MECOM: variants seen among roughly 807,000 people sequenced by gnomAD.
MECOM encodes the protein histone-lysine N-methyltransferase MECOM.
MECOM carries 13 observed loss-of-function variants against 116.3 expected under a neutral mutation model. That is an observed-to-expected ratio of 0.11 (90% CI 0.07 to 0.18). The LOEUF (loss-of-function observed/expected upper bound fraction) is 0.18. Among genes scored for constraint, MECOM ranks in the 10% least tolerant of loss-of-function variants. The pLI, the probability that MECOM is intolerant of heterozygous loss-of-function variation, is 1.00. For missense variants in MECOM, 1,299 were observed against 1,509.0 expected (o/e 0.86, Z 2.31); for synonymous variants, 528 against 535.2 (o/e 0.99, Z 0.19).
chr3:169,646,282 G>A (rs552307835), intron 1 of MECOM, among the ~76,000 whole-genome samples: 5 of 135,446 alleles, frequency 3.7e-5, no homozygotes, highest in Non-Finnish European at 6.3e-5. Context: ...CACAGGAAGG[G>A]GAACATCACA....
intron 1 of MECOM, among the ~76,000 whole-genome samples, chr3:169,655,657 C>T (rs943002453): frequency 2.0e-5 from 3 of 152,042 alleles, no homozygotes; most frequent in Non-Finnish European, 4.4e-5. Context: ...TTTTAATGTG[C>T]CCAAATTTTA....
chr3:169,171,524 C>T (rs187171334), intron 2 of MECOM, among the ~76,000 whole-genome samples: 49 of 151,964 alleles, frequency 3.2e-4, no homozygotes, highest in Non-Finnish European at 5.7e-4. Flanking sequence ...TATACCATAG[C>T]TATTGTAATC....
chr3:169,383,918 G>A (rs1020008845), intron 1 of MECOM, among the ~76,000 whole-genome samples: 9 of 152,074 alleles, frequency 5.9e-5, no homozygotes, highest in African/African-American at 2.2e-4. Context: ...CTGCACCTCT[G>A]CCCGACAAAC....
chr3:169,351,103 A>T, intron 2 of MECOM, among the ~76,000 whole-genome samples: 1 of 152,018 alleles, frequency 6.6e-6, no homozygotes, highest in Middle Eastern at 3.4e-3. Context: ...TATATTCTTT[A>T]CAATGTTTAT....
rs546557692 is a variant in MECOM at position 169,146,813 on chromosome 3, C to T, written c.376-2981G>A. ...ATAAAATAATCAGCAGCCCCCAACG[C>T]TCCTGCACGAAAATCCTTTCAAACG... On this transcript the variant is annotated intron_variant, in intron 2 of 16. Coordinates refer to ENST00000651503, the MANE Select transcript of MECOM (RefSeq NM_004991.4). The T allele has an allele frequency of 2.0e-5, 22 of 1,098,906 alleles. No homozygotes were observed. In the East Asian group the frequency reaches 1.4e-3, roughly 71 times the overall value. The allele number at this position is 1,098,906 out of a possible 1,614,324, so 68.1% of individuals were successfully genotyped here.
chr3:169,662,903 A>C (rs1291558341), intron 1 of MECOM, among the ~76,000 whole-genome samples: 35 of 99,658 alleles, frequency 3.5e-4, no homozygotes, highest in South Asian at 1.6e-3. Context: ...CCCTCCTCCC[A>C]CACCCGGGAC....
At chr3:169,449,992 A>G (rs1411411737) in intron 1 of MECOM, among the ~76,000 whole-genome samples, 3 of 152,180 alleles carry the variant, frequency 2.0e-5, no homozygotes, top group Non-Finnish European at 4.4e-5. Flanking sequence ...TTATGTCCCA[A>G]TAACATGTCA....
chr3:169,404,820 T>C (rs1736428064), intron 1 of MECOM, among the ~76,000 whole-genome samples: 1 of 152,224 alleles, frequency 6.6e-6, no homozygotes, highest in South Asian at 2.1e-4. Context: ...CCAAGGCCTC[T>C]GATTATTCTA....
intron 2 of MECOM, among the ~76,000 whole-genome samples, chr3:169,362,741 T>A (rs1728508871): frequency 6.6e-6 from 1 of 151,920 alleles, no homozygotes; most frequent in African/African-American, 2.4e-5. Flanking sequence ...TTCGTGTATA[T>A]CACGAATACA....
chr3:169,327,225 T>G (rs570632088), intron 2 of MECOM, among the ~76,000 whole-genome samples: 4 of 152,238 alleles, frequency 2.6e-5, no homozygotes, highest in Non-Finnish European at 5.9e-5. Context: ...GTCATGTATA[T>G]TACCATGAAT....
At position 169,085,035 on chromosome 3, in the gene MECOM, A is replaced by G; in HGVS notation, c.3594T>C (p.Ala1198=). The change falls in exon 17 of 17, where the codon GCT becomes GCC. Residue 1198 remains alanine, a synonymous_variant. Coordinates refer to ENST00000651503, the MANE Select transcript of MECOM (RefSeq NM_004991.4). Reference sequence around the variant, plus strand: ...CCTTGTCAGACAGTGACAGCATCATAGCATATGCCTGGGGTAAAAAGGAGA... The same window carrying G: ...CCTTGTCAGACAGTGACAGCATCATGGCATATGCCTGGGGTAAAAAGGAGA... ...LHRKSKSQAY[A]MMLSLSDKES... is the part of the protein sequence containing the mutation. 1 of 1,614,058 alleles carries G rather than the reference A, an allele frequency of 6.2e-7. No homozygotes were observed. The highest frequency in any genetic ancestry group is 1.1e-5 in the South Asian group (1 of 91,074).
chr3:169,517,810 TAAA>T (rs1350615368), intron 1 of MECOM, among the ~76,000 whole-genome samples: 1 of 152,146 alleles, frequency 6.6e-6, no homozygotes, highest in Non-Finnish European at 1.5e-5. Flanking sequence ...TTCAGTAACT[TAAA>T]AATATTCAGA....
At chr3:169,599,253 T>C (rs1274390868) in intron 1 of MECOM, among the ~76,000 whole-genome samples, 1 of 152,164 alleles carries the variant, frequency 6.6e-6, no homozygotes, top group Non-Finnish European at 1.5e-5. Flanking sequence ...CGGTGGCTCA[T>C]GCCTGTAATC....
intron 1 of MECOM, among the ~76,000 whole-genome samples, chr3:169,481,818 T>A (rs1040626845): frequency 6.6e-5 from 10 of 152,178 alleles, no homozygotes; most frequent in Admixed American, 2.6e-4. Context: ...TTCATCTACA[T>A]GTATATGGAG....
chr3:169,368,655 A>G (rs1181699012), intron 2 of MECOM, among the ~76,000 whole-genome samples: 1 of 152,066 alleles, frequency 6.6e-6, no homozygotes, highest in African/African-American at 2.4e-5. Context: ...TTTATCCTCA[A>G]GGAAAAAGCA....
intron 1 of MECOM, among the ~76,000 whole-genome samples, chr3:169,401,675 G>A (rs78773745): frequency 0.026 from 3,917 of 152,166 alleles, 118 homozygotes; most frequent in African/African-American, 0.07. Flanking sequence ...GAAGAAGAAA[G>A]GTGGCTTTGA....
At chr3:169,573,068 C>T (rs971121426) in intron 1 of MECOM, among the ~76,000 whole-genome samples, 2 of 152,148 alleles carry the variant, frequency 1.3e-5, no homozygotes, top group South Asian at 2.1e-4. Flanking sequence ...AGCTGAAATA[C>T]AGCTGAAAGA....
chr3:169,127,762 C>A, intron 5 of MECOM, 82 bp downstream of exon 5: 1 of 1,234,604 alleles, frequency 8.1e-7, no homozygotes, highest in African/African-American at 1.5e-5. Flanking sequence ...TCCAAATTTT[C>A]CATCTGCACA....
chr3:169,203,065 T>C (rs1337624596), intron 2 of MECOM, among the ~76,000 whole-genome samples: 2 of 152,174 alleles, frequency 1.3e-5, no homozygotes, highest in African/African-American at 4.8e-5. Flanking sequence ...TGGACTATTT[T>C]AGCAGTCATT....
Sources: allele counts gnomAD v4.1 joint callset (sites outside exome capture counted in the v4.1 genomes callset), GRCh38; gene constraint gnomAD v4.1.1; transcripts MANE v1.5; gene names NCBI Gene and HGNC (gene_info 2026-07-23, HGNC 2026-07-21).